The following TBC1D23 variants were observed in gnomAD, a reference collection of about 807,000 sequenced individuals.
TBC1D23 encodes TBC1 domain family member 23, also known as HCV non-structural protein 4A-transactivated protein 1.
In TBC1D23, 55 loss-of-function variants were observed where a neutral mutation model predicts 91.4. The ratio of observed to expected loss-of-function variants is 0.60; its 90% CI spans 0.48 to 0.75. The LOEUF (loss-of-function observed/expected upper bound fraction) is 0.75, where lower values mean the gene tolerates loss of function less well. TBC1D23 is among the 30% of genes least tolerant of loss of function. The pLI, the probability that TBC1D23 is intolerant of heterozygous loss-of-function variation, is 0.00. For synonymous variants in TBC1D23, 289 were observed against 281.0 expected, an observed-to-expected ratio of 1.03 and a Z score of -0.28; for missense variants, 725 against 836.1, an observed-to-expected ratio of 0.87 and a Z score of 1.64.
At chr3:100,307,308 G>A (rs1183815216) in intron 13 of TBC1D23, among the ~76,000 whole-genome samples, 1 of 152,182 alleles carries the variant, frequency 6.6e-6, no homozygotes, top group Non-Finnish European at 1.5e-5. Flanking sequence ...AAGGAAAACT[G>A]CAGTACAAGG....
intron 1 of TBC1D23, among the ~76,000 whole-genome samples, chr3:100,262,785 T>C (rs887594851): frequency 4.0e-5 from 6 of 151,356 alleles, no homozygotes; most frequent in African/African-American, 1.5e-4. Context: ...TAATAATCTA[T>C]TTAACATATT....
At chr3:100,300,261 A>G (rs894371925) in intron 10 of TBC1D23, among the ~76,000 whole-genome samples, 2 of 152,162 alleles carry the variant, frequency 1.3e-5, no homozygotes, top group African/African-American at 4.8e-5. Flanking sequence ...GAAACCTCTT[A>G]GCTAAATGTT....
intron 12 of TBC1D23, among the ~76,000 whole-genome samples, chr3:100,305,763 C>T (rs1182000345): frequency 6.6e-6 from 1 of 152,058 alleles, no homozygotes; most frequent in Non-Finnish European, 1.5e-5. Context: ...TAACTAATGA[C>T]TTTTGAGGTT....
intron 15 of TBC1D23, among the ~76,000 whole-genome samples, chr3:100,314,812 A>C (rs565599628): frequency 3.9e-5 from 6 of 152,126 alleles, no homozygotes; most frequent in Non-Finnish European, 7.4e-5. Context: ...AACTAAAGGC[A>C]TGTAACTTGA....
At chr3:100,318,566 G>C (rs773513973) in intron 16 of TBC1D23, among the ~76,000 whole-genome samples, 3 of 151,628 alleles carry the variant, frequency 2.0e-5, no homozygotes, top group Non-Finnish European at 2.9e-5. Flanking sequence ...CCATATGAAA[G>C]TGATGTTTGA....
chr3:100,299,268 C>A lies in TBC1D23; in HGVS notation c.1029C>A (p.Cys343Ter), dbSNP rs761061399. Reference sequence around the variant, plus strand: ...GAGTCCGGTTCTTTGTGGTGGATTGCCGTCCTGCAGAACAATATAATGCTG... The same window carrying A: ...GAGTCCGGTTCTTTGTGGTGGATTGACGTCCTGCAGAACAATATAATGCTG... The part of the protein sequence containing the change: ...GEGVRFFVVD[C>*]RPAEQYNAGH... Residue 343 changes from cysteine to a stop codon, truncating the protein, a stop_gained, in exon 10 of 19, where the codon TGC (cysteine) becomes TGA (stop). Coordinates refer to ENST00000394144, the MANE Select transcript of TBC1D23 (RefSeq NM_001199198.3). LOFTEE classifies it high-confidence loss of function. The A allele has an allele frequency of 5.0e-6, 8 of 1,612,154 alleles. No individual in the cohort carries two copies. The Admixed American group carries it at 1.3e-4, about 27-fold the overall frequency.
At chr3:100,277,178 C>G (rs2067655033) in intron 1 of TBC1D23, among the ~76,000 whole-genome samples, 1 of 152,180 alleles carries the variant, frequency 6.6e-6, no homozygotes, top group South Asian at 2.1e-4. Context: ...TATTTGGGAG[C>G]TAAATGCTAT....
intron 3 of TBC1D23, among the ~76,000 whole-genome samples, 162 bp downstream of exon 3, chr3:100,282,009 A>G (rs1412696012): frequency 2.0e-5 from 3 of 152,190 alleles, no homozygotes; most frequent in African/African-American, 7.2e-5. Flanking sequence ...TTGTCTATTA[A>G]TTTTAAGGGA....
chr3:100,314,981 G>T (rs1474429994), intron 15 of TBC1D23, among the ~76,000 whole-genome samples: 2 of 152,008 alleles, frequency 1.3e-5, no homozygotes, highest in African/African-American at 4.8e-5. Context: ...TCAGAAACAT[G>T]TAGTATTTTA....
chr3:100,305,622 A>G (rs978492873), intron 12 of TBC1D23, among the ~76,000 whole-genome samples: 1 of 152,146 alleles, frequency 6.6e-6, no homozygotes, highest in Admixed American at 6.5e-5. Context: ...GTTGAGGGTA[A>G]TGGAATCTTA....
chr3:100,270,284 A>G (rs1191211203), intron 1 of TBC1D23, among the ~76,000 whole-genome samples: 2 of 152,214 alleles, frequency 1.3e-5, no homozygotes, highest in South Asian at 2.1e-4. Context: ...AATTCAGTAT[A>G]TGGGTTAGGA....
At chr3:100,301,805 A>C (rs1705438300) in intron 10 of TBC1D23, 2 of 342,704 alleles carry the variant, frequency 5.8e-6, no homozygotes, top group South Asian at 1.0e-4. Context: ...AACAAGAACA[A>C]CAAACAGTTT....
chr3:100,318,994 T>G, intron 16 of TBC1D23, 75 bp from the exon 17 acceptor site: 1 of 999,020 alleles, frequency 1.0e-6, no homozygotes, highest in Non-Finnish European at 1.4e-6. Context: ...CTACTGAAAT[T>G]TTTTTAGACT....
intron 1 of TBC1D23, among the ~76,000 whole-genome samples, chr3:100,262,582 G>A (rs962214150): frequency 6.6e-6 from 1 of 151,818 alleles, no homozygotes; most frequent in Non-Finnish European, 1.5e-5. Context: ...AAAATTAGCC[G>A]GGCGTGGTGG....
Position 100,299,255 on chromosome 3 carries a change from T to G in TBC1D23, c.1016T>G (p.Phe339Cys), listed in dbSNP as rs890289524. Residue 339 changes from phenylalanine to cysteine, a missense_variant, in exon 10 of 19, where the codon TTT becomes TGT. Coordinates refer to ENST00000394144, the MANE Select transcript of TBC1D23 (RefSeq NM_001199198.3). Reference protein sequence around the residue: ...NQLQGEGVRFFVVDCRPAEQY... With the variant: ...NQLQGEGVRFCVVDCRPAEQY... ...CCGTTTTAGGAAGGAGTCCGGTTCT[T>G]TGTGGTGGATTGCCGTCCTGCAGAA... 1 of 1,612,198 alleles carries G rather than the reference T, an allele frequency of 6.2e-7. No individual in the cohort carries two copies. Among genetic ancestry groups the G allele is most frequent in the African/African-American group, 1.3e-5 (1 of 74,904 alleles).
At chr3:100,289,012 G>A (rs138242080) in intron 4 of TBC1D23, among the ~76,000 whole-genome samples, 1 of 151,976 alleles carries the variant, frequency 6.6e-6, no homozygotes, top group Non-Finnish European at 1.5e-5. Context: ...CCAGGAGTTC[G>A]AGACCAGCCT....
chr3:100,294,265 A>G (rs894259575), intron 5 of TBC1D23, among the ~76,000 whole-genome samples: 1 of 143,528 alleles, frequency 7.0e-6, no homozygotes, highest in Non-Finnish European at 1.5e-5. Context: ...TTTTGTGTTT[A>G]TTTTTTTTTT....
intron 14 of TBC1D23, 68 bp downstream of exon 14, chr3:100,310,610 A>G (rs902912237): frequency 3.4e-6 from 4 of 1,189,310 alleles, no homozygotes; most frequent in Admixed American, 5.1e-5. Flanking sequence ...TCTTAGAGTA[A>G]GTAAATGTTA....
intron 4 of TBC1D23, among the ~76,000 whole-genome samples, chr3:100,286,889 C>T (rs950030258): frequency 6.6e-6 from 1 of 152,072 alleles, no homozygotes; most frequent in African/African-American, 2.4e-5. Context: ...GATCTTGGCT[C>T]AGTGCAACCT....
Sources: gnomAD v4.1 joint callset for allele counts (sites outside exome capture counted in the v4.1 genomes callset) on GRCh38, gnomAD v4.1.1 for gene constraint, MANE v1.5 for transcripts, NCBI Gene and HGNC (gene_info 2026-07-23, HGNC 2026-07-21) for gene names.